The following FRMD4A variants were observed in gnomAD, a reference collection of about 807,000 sequenced individuals.
The protein encoded by FRMD4A is FERM domain containing 4A.
Under a neutral mutation model 129.1 loss-of-function variants are expected in FRMD4A, and 29 were observed. That is an observed-to-expected ratio of 0.22 (90% CI 0.17 to 0.31). The LOEUF is 0.31. FRMD4A is among the 10% of genes least tolerant of loss of function. FRMD4A has a pLI of 1.00. For missense variants in FRMD4A, 1,272 were observed against 1,375.8 expected (o/e 0.92, Z 1.19); for synonymous variants, 634 against 571.6 (o/e 1.11, Z -1.56).
intron 19 of FRMD4A, among the ~76,000 whole-genome samples, chr10:13,662,105 A>T (rs1226195499): frequency 5.9e-5 from 9 of 151,996 alleles, no homozygotes; most frequent in African/African-American, 2.2e-4. Context: ...TGCTCCAGGC[A>T]CCCCTCTACT....
rs181482151 is a variant in FRMD4A, at chr10:13,740,883, A to G, written c.549-306T>C. Among the ~76,000 whole-genome samples the G allele has an allele frequency of 2.9e-5, 4 of 136,734 alleles. No individual in the cohort carries two copies. In the East Asian group the frequency reaches 6.7e-4, roughly 23 times the overall value. The allele number at this position is 136,734 out of a possible 152,430, so 89.7% of individuals were successfully genotyped here. ...GCTCTGTCACCCAGGCTAGAGTGCA[A>G]TGGTGCGATCTTGGTTCACTGCAAC... On this transcript the variant is annotated intron_variant, in intron 9 of 24. Coordinates refer to ENST00000357447, the MANE Select transcript of FRMD4A (RefSeq NM_018027.5).
chr10:14,141,446 G>A (rs1839829364), intron 2 of FRMD4A, among the ~76,000 whole-genome samples: 2 of 152,024 alleles, frequency 1.3e-5, no homozygotes, highest in South Asian at 4.2e-4. Flanking sequence ...TTTTATATAG[G>A]ATGTATGTGA....
intron 2 of FRMD4A, among the ~76,000 whole-genome samples, chr10:14,251,333 C>G (rs974372086): frequency 3.9e-5 from 6 of 152,148 alleles, no homozygotes; most frequent in African/African-American, 1.4e-4. Flanking sequence ...GGGAGGCCAG[C>G]TGCTATGTCA....
intron 2 of FRMD4A, among the ~76,000 whole-genome samples, chr10:14,177,599 A>G (rs1429706583): frequency 6.6e-6 from 1 of 152,130 alleles, no homozygotes; most frequent in South Asian, 2.1e-4. Context: ...ATCTCCCTAA[A>G]GGTTTGTTTA....
At chr10:13,742,148 G>C (rs548449865) in intron 9 of FRMD4A, among the ~76,000 whole-genome samples, 14 of 152,204 alleles carry the variant, frequency 9.2e-5, no homozygotes, top group African/African-American at 3.1e-4. Flanking sequence ...GAGCCACCGC[G>C]CCCAGCTGAA....
At chr10:14,284,793 G>A (rs1272741513) in intron 2 of FRMD4A, among the ~76,000 whole-genome samples, 6 of 152,196 alleles carry the variant, frequency 3.9e-5, no homozygotes, top group African/African-American at 1.4e-4. Flanking sequence ...TTCTATGGTT[G>A]TAATATAGCT....
chr10:13,995,175 AG>A (rs2095618171), intron 2 of FRMD4A, among the ~76,000 whole-genome samples: 1 of 152,196 alleles, frequency 6.6e-6, no homozygotes, highest in African/African-American at 2.4e-5. Context: ...AGAAGAAAAA[AG>A]GAAGTCACAG....
At chr10:13,951,125 C>T (rs2095367529) in intron 2 of FRMD4A, among the ~76,000 whole-genome samples, 1 of 152,090 alleles carries the variant, frequency 6.6e-6, no homozygotes, top group African/African-American at 2.4e-5. Context: ...TGGGTGCTTC[C>T]ACAGAAGGAG....
At chr10:13,970,865 G>A (rs1452071614) in intron 2 of FRMD4A, among the ~76,000 whole-genome samples, 1 of 152,124 alleles carries the variant, frequency 6.6e-6, no homozygotes, top group Non-Finnish European at 1.5e-5. Flanking sequence ...TGCACCCACC[G>A]CCAGTTAACT....
chr10:13,944,755 G>T (rs547343613), intron 2 of FRMD4A, among the ~76,000 whole-genome samples: 40 of 152,300 alleles, frequency 2.6e-4, no homozygotes, highest in African/African-American at 9.6e-4. Flanking sequence ...CATTCTGAAA[G>T]TTCCTTCCGT....
chr10:13,995,315 G>A (rs2095618497), intron 2 of FRMD4A, among the ~76,000 whole-genome samples: 1 of 152,178 alleles, frequency 6.6e-6, no homozygotes, highest in Non-Finnish European at 1.5e-5. Context: ...TGGGCGTGGT[G>A]GATCACACCT....
chr10:14,329,903 A>G (rs1459700902), intron 2 of FRMD4A, among the ~76,000 whole-genome samples, 155 bp downstream of exon 2: 1 of 152,150 alleles, frequency 6.6e-6, no homozygotes, highest in East Asian at 1.9e-4. Context: ...TCATGCTGAT[A>G]CTCTGACCCA....
intron 2 of FRMD4A, among the ~76,000 whole-genome samples, chr10:14,313,219 C>G (rs1392204117): frequency 6.6e-6 from 1 of 151,136 alleles, no homozygotes; most frequent in Non-Finnish European, 1.5e-5. Context: ...TTTAATTAAC[C>G]AGGTGTGGTG....
At chr10:13,937,903 T>G (rs2095261313) in intron 2 of FRMD4A, among the ~76,000 whole-genome samples, 2 of 152,242 alleles carry the variant, frequency 1.3e-5, no homozygotes, top group Admixed American at 6.5e-5. Flanking sequence ...TTCTTGCATT[T>G]TTTCTATGCC....
rs1486771320 is a variant in FRMD4A, at chr10:13,862,936, TTG to T, written c.46-4026_46-4025del. On this transcript the variant is annotated intron_variant, in intron 2 of 24. Coordinates refer to ENST00000357447, the MANE Select transcript of FRMD4A (RefSeq NM_018027.5). ...CTGCTTTCCCTTGTTTTGTTCTGTT[TTG>T]TTTTTTTTTTTGTTTCTTTTTTTTT... 3.5e-3 allele frequency among the ~76,000 whole-genome samples: 349 copies of T among 98,918 alleles called. 7 individuals are homozygous for T. In the East Asian group the frequency reaches 0.1, roughly 29 times the overall value. 64.9% of individuals were successfully genotyped at this position (98,918 alleles called of 152,430 possible). A position where few individuals can be genotyped will look rare whatever the true frequency, so the allele number is the denominator to read the frequency against.
chr10:13,707,654 T>A lies in FRMD4A; in HGVS notation c.760-541A>T, dbSNP rs934030550. 35 of 986,744 alleles carry A rather than the reference T, an allele frequency of 3.5e-5. No individual in the cohort carries two copies. In the African/African-American group the frequency reaches 5.6e-4, roughly 16 times the overall value. 61.1% of individuals were successfully genotyped at this position (986,744 alleles called of 1,614,324 possible). On this transcript the variant is annotated intron_variant, in intron 12 of 24. Transcript: ENST00000357447. ...ACTCCACTTCCTGCTCACTAATGTG[T>A]AAGAGCCTTGCAAAGGGCGGAGGAG...
intron 2 of FRMD4A, among the ~76,000 whole-genome samples, chr10:14,165,653 C>T (rs1219651177): frequency 1.3e-5 from 2 of 152,208 alleles, no homozygotes; most frequent in African/African-American, 4.8e-5. Context: ...GGTACATATA[C>T]ACCATAGAAT....
At chr10:14,216,087 C>G (rs533536683) in intron 2 of FRMD4A, among the ~76,000 whole-genome samples, 1 of 152,114 alleles carries the variant, frequency 6.6e-6, no homozygotes, top group Non-Finnish European at 1.5e-5. Context: ...TGCTTTTGGA[C>G]GGGAACTCTA....
At chr10:13,656,575 T>C in intron 22 of FRMD4A, 61 bp downstream of exon 22, 5 of 1,330,466 alleles carry the variant, frequency 3.8e-6, no homozygotes, top group Non-Finnish European at 4.8e-6. Context: ...CGGTAGCCCT[T>C]GACACCGGCA....
Sources: allele counts gnomAD v4.1 joint callset (sites outside exome capture counted in the v4.1 genomes callset), GRCh38; gene constraint gnomAD v4.1.1; transcripts MANE v1.5; gene names NCBI Gene and HGNC (gene_info 2026-07-23, HGNC 2026-07-21).